Variants in HIPK4 observed in about 807,000 individuals in gnomAD.
The protein encoded by HIPK4 is homeodomain interacting protein kinase 4.
A neutral mutation model predicts 44.8 loss-of-function variants in HIPK4; 26 were observed. The observed-to-expected ratio is 0.58, with a 90% CI of 0.43 to 0.80. The LOEUF (loss-of-function observed/expected upper bound fraction) is 0.80, where lower values mean the gene tolerates loss of function less well. HIPK4 is among the 30% of genes least tolerant of loss of function. HIPK4 has a pLI of 0.00. For synonymous variants in HIPK4, 340 were observed against 355.5 expected (o/e 0.96, Z 0.49); for missense variants, 729 against 862.6 (o/e 0.85, Z 1.94).
chr19:40,386,918 A>G (rs1459560947), intron 1 of HIPK4, among the ~76,000 whole-genome samples: 1 of 151,340 alleles, frequency 6.6e-6, no homozygotes, highest in Non-Finnish European at 1.5e-5. Context: ...GCAGTGGCGC[A>G]ATCTCGGCTC....
chr19:40,388,093 T>A (rs915061929), intron 1 of HIPK4, among the ~76,000 whole-genome samples: 2 of 148,098 alleles, frequency 1.4e-5, no homozygotes, highest in Non-Finnish European at 3.0e-5. Flanking sequence ...CTCAGCTCAC[T>A]GCAACCTCTG....
chr19:40,383,291 C>A (rs190665219), intron 2 of HIPK4, among the ~76,000 whole-genome samples: 1,787 of 151,870 alleles, frequency 0.012, 19 homozygotes, highest in Non-Finnish European at 0.02. Context: ...ATCATCTTGG[C>A]CAGGCTGGTC....
intron 1 of HIPK4, among the ~76,000 whole-genome samples, chr19:40,386,957 C>T (rs2079366073): frequency 6.6e-6 from 1 of 150,738 alleles, no homozygotes; most frequent in Non-Finnish European, 1.5e-5. Context: ...CACGTTCAAG[C>T]GATTCTCCTG....
intron 1 of HIPK4, among the ~76,000 whole-genome samples, chr19:40,386,675 C>A (rs549008073): frequency 6.6e-6 from 1 of 151,984 alleles, no homozygotes; most frequent in East Asian, 1.9e-4. Flanking sequence ...CTCTCCCCAG[C>A]GAGGATGTCA....
chr19:40,386,337 G>A (rs1467282927), intron 1 of HIPK4, among the ~76,000 whole-genome samples: 3 of 152,038 alleles, frequency 2.0e-5, no homozygotes, highest in Non-Finnish European at 2.9e-5. Context: ...GATTACAGGC[G>A]TGAGCCACGG....
At chr19:40,386,969 C>A (rs1484631673) in intron 1 of HIPK4, among the ~76,000 whole-genome samples, 1 of 152,030 alleles carries the variant, frequency 6.6e-6, no homozygotes, top group Non-Finnish European at 1.5e-5. Flanking sequence ...ATTCTCCTGC[C>A]TCAGCCTCCC....
Position 40,379,680 on chromosome 19 carries a change from T to C in HIPK4, c.1758A>G (p.Pro586=), listed in dbSNP as rs1441640259. ...PDCTLESVRG[P]RAQGLPPRRS... ...GGCGGGGTGGGAGCCCCTGAGCCCG[T>C]GGGCCCCTGACGCTCTCCAGGGTGC... The change falls in exon 4 of 4, where the codon CCA becomes CCG. Residue 586 remains proline (P), a synonymous_variant. Coordinates refer to ENST00000291823, the MANE Select transcript of HIPK4 (RefSeq NM_144685.5). The C allele has an allele frequency of 3.8e-6, 6 of 1,575,968 alleles. No homozygotes were observed. Among genetic ancestry groups the C allele is most frequent in the Non-Finnish European group, 5.2e-6 (6 of 1,164,278 alleles).
chr19:40,379,420 C>T lies in HIPK4; in HGVS notation c.*167G>A. The T allele has an allele frequency of 2.7e-5, 17 of 626,842 alleles. No individual in the cohort carries two copies. The South Asian group carries it at 3.7e-4, about 14-fold the overall frequency. The allele number at this position is 626,842 out of a possible 1,614,324, so 38.8% of individuals were successfully genotyped here. On this transcript the variant is annotated 3_prime_UTR_variant, in exon 4 of 4. Coordinates refer to ENST00000291823, the MANE Select transcript of HIPK4 (RefSeq NM_144685.5). ...CCCTGCTGTGTTTAGGAGAGGTGTG[C>T]AGGCACGCACCGCACCGCAGACGGG...
In HIPK4 at chr19:40,390,172, G is replaced by A. The variant is rs534008871; in HGVS notation, c.-270C>T. ...CAGGCCCCACCGAATGGGTTCCAGC[G>A]CTGTTGAGTGGCTCTGGTTCTGTTG... On this transcript the variant is annotated 5_prime_UTR_variant, in exon 1 of 4. Coordinates refer to ENST00000291823, the MANE Select transcript of HIPK4 (RefSeq NM_144685.5). The A allele has an allele frequency of 6.7e-4, 324 of 482,510 alleles. 2 individuals carry two copies. Among genetic ancestry groups the A allele is most frequent in the Middle Eastern group, 5.1e-3 (9 of 1,764 alleles). The allele number at this position is 482,510 out of a possible 1,614,324, so 29.9% of individuals were successfully genotyped here.
chr19:40,380,851 G>A lies in HIPK4; in HGVS notation c.1140C>T (p.Pro380=), dbSNP rs781648616. 6.2e-7 allele frequency: 1 copy of A among 1,609,034 alleles called. No homozygotes were observed. Among genetic ancestry groups the A allele is most frequent in the African/African-American group, 1.3e-5 (1 of 74,954 alleles). Residue 380 remains proline (P), a synonymous_variant, in exon 3 of 4, where the codon CCC becomes CCT. Coordinates refer to ENST00000291823, the MANE Select transcript of HIPK4 (RefSeq NM_144685.5). The surrounding 1 kb of genome is among the most constrained non-coding windows in gnomAD (Gnocchi z 4.2). ...CATCTTCTGCGGCCACGACGGGCGT[G>A]GGGGGCTTCCCCTCCACTTGCAGCG... ...RLSLQVEGKP[P]TPVVAAEDGT... is the part of the protein sequence containing the mutation.
chr19:40,385,572 T>A (rs2079358667), intron 1 of HIPK4, among the ~76,000 whole-genome samples: 1 of 151,692 alleles, frequency 6.6e-6, no homozygotes, highest in Admixed American at 6.6e-5. Flanking sequence ...CAAAAAAAAA[T>A]GATCACCTTC....
At chr19:40,384,506 T>C (rs1363673016) in intron 1 of HIPK4, among the ~76,000 whole-genome samples, 2 of 152,068 alleles carry the variant, frequency 1.3e-5, no homozygotes, top group African/African-American at 2.4e-5. Flanking sequence ...GGTTTCACTA[T>C]GTTGGCCAGG....
chr19:40,379,338 G>C lies in HIPK4; in HGVS notation c.*249C>G, dbSNP rs1599639989. ...CAAGGGCGAGCGCAGGGCCAGCGGG[G>C]TGCAGCCCCCTTTCCTGCTGTCCTT... On this transcript the variant is annotated 3_prime_UTR_variant, in exon 4 of 4. Transcript: ENST00000291823. 5 of 511,646 alleles carry C rather than the reference G, an allele frequency of 9.8e-6. No homozygotes were observed. In the East Asian group the frequency reaches 1.8e-4, roughly 18 times the overall value. The allele number at this position is 511,646 out of a possible 1,614,324, so 31.7% of individuals were successfully genotyped here. A position where few individuals can be genotyped will look rare whatever the true frequency, so the allele number is the denominator to read the frequency against.
At chr19:40,382,633 G>A (rs2079342523) in intron 2 of HIPK4, among the ~76,000 whole-genome samples, 1 of 152,054 alleles carries the variant, frequency 6.6e-6, no homozygotes, top group Admixed American at 6.6e-5. Context: ...TGCAGTTGCT[G>A]ACCAGTCCCA....
chr19:40,380,674 A>G lies in HIPK4; in HGVS notation c.1317T>C (p.His439=), dbSNP rs2079330174. ...TGGTGCAGGTCTCACCCCACAGCCC[A>G]TGCCCAGCCTCCTGCAGACTCAGGT... ...LDDLSLQEAG[H]GLWGETCTNA... is the part of the protein sequence containing the mutation. Residue 439 remains histidine (H), a synonymous_variant, in exon 3 of 4, where the codon CAT becomes CAC. Coordinates refer to ENST00000291823, the MANE Select transcript of HIPK4 (RefSeq NM_144685.5). The surrounding 1 kb of genome is among the most constrained non-coding windows in gnomAD (Gnocchi z 4.2). The G allele has an allele frequency of 6.2e-7, 1 of 1,614,100 alleles. No homozygotes were observed.
In HIPK4 at chr19:40,379,513, G is replaced by T; in HGVS notation, c.*74C>A. The T allele has an allele frequency of 8.1e-7, 1 of 1,227,594 alleles. No individual in the cohort carries two copies. The highest frequency in any genetic ancestry group is 1.1e-6 in the Non-Finnish European group (1 of 907,258). 76.0% of individuals were successfully genotyped at this position (1,227,594 alleles called of 1,614,324 possible). On this transcript the variant is annotated 3_prime_UTR_variant, in exon 4 of 4. Coordinates refer to ENST00000291823, the MANE Select transcript of HIPK4 (RefSeq NM_144685.5). ...TGTGGGTTCAGGAGATGGCTCTGAG[G>T]AGCAGTTCAGGTTGGGAGGGAATGC...
At position 40,389,329 on chromosome 19, in the gene HIPK4, T is replaced by A; in HGVS notation, c.465+109A>T. 6.8e-6 allele frequency: 3 copies of A among 439,976 alleles called. No individual in the cohort carries two copies. Among genetic ancestry groups the A allele is most frequent in the Non-Finnish European group, 3.5e-6 (1 of 282,058 alleles). 27.3% of individuals were successfully genotyped at this position (439,976 alleles called of 1,614,324 possible). Reference sequence around the variant, plus strand: ...ACAGAATGAAACTCCGTCTCAAAAATAATAATAATAATAATTTTAAAAAAT... The same window carrying A: ...ACAGAATGAAACTCCGTCTCAAAAAAAATAATAATAATAATTTTAAAAAAT... On this transcript the variant is annotated intron_variant, in intron 1 of 3. Transcript: ENST00000291823. The surrounding 1 kb of genome is among the most constrained non-coding windows in gnomAD (Gnocchi z 4.6).
rs778403397 is a variant in HIPK4 at position 40,384,122 on chromosome 19, G to A, written c.483C>T (p.Ser161=). ...AGCGCACCTCGCTGAAAATGCTGGC[G>A]GATCCGAAGTCAATCACCTGTCGGG... ...PFRVKVIDFG[S]ASIFSEVRYV... Residue 161 remains serine, a synonymous_variant, in exon 2 of 4, where the codon TCC becomes TCT. Transcript: ENST00000291823. 27 of 1,583,282 alleles carry A rather than the reference G, an allele frequency of 1.7e-5. 1 individual carries two copies. Among genetic ancestry groups the A allele is most frequent in the African/African-American group, 2.7e-5 (2 of 74,488 alleles).
chr19:40,390,058 T>C lies in HIPK4; in HGVS notation c.-156A>G. 1 of 616,520 alleles carries C rather than the reference T, an allele frequency of 1.6e-6. No homozygotes were observed. Among genetic ancestry groups the C allele is most frequent in the South Asian group, 2.0e-5 (1 of 50,860 alleles). The allele number at this position is 616,520 out of a possible 1,614,324, so 38.2% of individuals were successfully genotyped here. Reference sequence around the variant, plus strand: ...CCTATGAGGTTGGCCCCTGCTTCCCTGGCACCCCCAAACCCCCAGGCCACA... The same window carrying C: ...CCTATGAGGTTGGCCCCTGCTTCCCCGGCACCCCCAAACCCCCAGGCCACA... On this transcript the variant is annotated 5_prime_UTR_variant, in exon 1 of 4. Transcript: ENST00000291823.
Sources: allele counts gnomAD v4.1 joint callset (sites outside exome capture counted in the v4.1 genomes callset), GRCh38; gene constraint gnomAD v4.1.1; non-coding constraint Gnocchi (gnomAD v3.1); transcripts MANE v1.5; gene names NCBI Gene and HGNC (gene_info 2026-07-23, HGNC 2026-07-21).